Variants in PRUNE2 observed in about 807,000 individuals in gnomAD.
The protein encoded by PRUNE2 is protein prune homolog 2.
In PRUNE2, 164 loss-of-function variants were observed where a neutral mutation model predicts 252.0. The ratio of observed to expected loss-of-function variants is 0.65; its 90% CI spans 0.57 to 0.74. The LOEUF is 0.74. Ranked by LOEUF, PRUNE2 falls within the 30% of genes least tolerant of loss-of-function variation. PRUNE2 has a pLI of 0.00. For synonymous variants in PRUNE2, 1,292 were observed against 1,350.2 expected (o/e 0.96, Z 0.94); for missense variants, 3,495 against 3,711.0 (o/e 0.94, Z 1.51).
intron 6 of PRUNE2, among the ~76,000 whole-genome samples, chr9:76,750,734 G>A (rs1259873160): frequency 6.6e-6 from 1 of 152,178 alleles, no homozygotes; most frequent in Non-Finnish European, 1.5e-5. Flanking sequence ...GCAGAGAGAA[G>A]GTGACATGCT....
intron 6 of PRUNE2, among the ~76,000 whole-genome samples, chr9:76,725,545 T>C (rs2048035822): frequency 6.6e-6 from 1 of 151,964 alleles, no homozygotes; most frequent in African/African-American, 2.4e-5. Flanking sequence ...ATGAAAGTAA[T>C]TAGTTTTTTT....
At chr9:76,647,947 C>T (rs572048598) in intron 11 of PRUNE2, among the ~76,000 whole-genome samples, 2 of 152,132 alleles carry the variant, frequency 1.3e-5, no homozygotes, top group African/African-American at 2.4e-5. Context: ...GGCGACAGCA[C>T]GAGACTGTGT....
intron 3 of PRUNE2, among the ~76,000 whole-genome samples, chr9:76,849,375 C>T (rs1450035531): frequency 6.6e-6 from 1 of 152,098 alleles, no homozygotes; most frequent in East Asian, 1.9e-4. Context: ...CCTTCATAGC[C>T]CATCTCTATG....
At chr9:76,872,600 A>AACACACACACACACACAC (rs71354690) in intron 1 of PRUNE2, among the ~76,000 whole-genome samples, 1 of 139,264 alleles carries the variant, frequency 7.2e-6, no homozygotes, top group African/African-American at 2.7e-5. Flanking sequence ...GATTATGGAA[A>AACACACACACACACACAC]ACACACACAC....
At chr9:76,790,290 T>C (rs915944933) in intron 6 of PRUNE2, among the ~76,000 whole-genome samples, 2 of 152,172 alleles carry the variant, frequency 1.3e-5, no homozygotes, top group African/African-American at 4.8e-5. Flanking sequence ...TGGCCCAGTT[T>C]GTTGCAATAA....
chr9:76,855,064 C>CAAAAAAAAA (rs772890225), intron 1 of PRUNE2, among the ~76,000 whole-genome samples: 12 of 78,172 alleles, frequency 1.5e-4, no homozygotes, highest in African/African-American at 7.5e-4. Context: ...GACTCCATCT[C>CAAAAAAAAA]AAAAAAAAAA....
intron 6 of PRUNE2, among the ~76,000 whole-genome samples, chr9:76,780,616 A>G (rs1400509427): frequency 3.3e-5 from 5 of 152,124 alleles, no homozygotes; most frequent in Non-Finnish European, 7.4e-5. Flanking sequence ...GCGTGAACCC[A>G]GGAGGCAGAG....
chr9:76,746,964 T>C (rs569640017), intron 6 of PRUNE2, among the ~76,000 whole-genome samples: 2 of 152,292 alleles, frequency 1.3e-5, no homozygotes, highest in South Asian at 4.1e-4. Flanking sequence ...AGCAAATTAA[T>C]TGAACCCAAG....
intron 6 of PRUNE2, among the ~76,000 whole-genome samples, chr9:76,749,871 G>C (rs1175689493): frequency 2.6e-5 from 4 of 152,218 alleles, no homozygotes; most frequent in Non-Finnish European, 1.5e-5. Flanking sequence ...AAATGATTTA[G>C]ATTCAAGATC....
chr9:76,846,650 C>T lies in PRUNE2; in HGVS notation c.373G>A (p.Val125Ile), dbSNP rs2059684999. Residue 125 changes from valine (V) to isoleucine (I), a missense_variant, in exon 4 of 19, where the codon GTC (valine) becomes ATC (isoleucine). Val to Ile is a conservative substitution (Grantham distance 29). Coordinates refer to ENST00000376718, the MANE Select transcript of PRUNE2 (RefSeq NM_015225.3). ...TGCTCAACCGGATTAATGACTTTGA[C>T]AACTGCTGATTCTAAAGTTTTGTCT... ...SEDKTLESAV[V>I]KVINPVEQSD... 2 of 1,613,950 alleles carry T rather than the reference C, an allele frequency of 1.2e-6. No homozygotes were observed. The highest frequency in any genetic ancestry group is 3.3e-5 in the Admixed American group (2 of 60,004).
chr9:76,856,524 T>C (rs570093757), intron 1 of PRUNE2: 1 of 152,316 alleles, frequency 6.6e-6, no homozygotes, highest in South Asian at 2.1e-4. Context: ...GAAAAGGTGC[T>C]AAATGAAGAC....
Position 76,707,757 on chromosome 9 carries a change from C to A in PRUNE2, c.4517G>T (p.Cys1506Phe). 2 of 1,613,676 alleles carry A rather than the reference C, an allele frequency of 1.2e-6. No homozygotes were observed. Among genetic ancestry groups the A allele is most frequent in the Non-Finnish European group, 1.7e-6 (2 of 1,179,728 alleles). Residue 1506 changes from cysteine (C) to phenylalanine (F), a missense_variant, in exon 8 of 19, where the codon TGT becomes TTT. Transcript: ENST00000376718. ...GTCAAGATTTTTGGTTATCTCAGAA[C>A]ATGTGCTGCTGACATGCACATCACT... ...IDSDVHVSST[C>F]SEITKNLDVK...
chr9:76,686,583 T>A (rs1426635918), intron 9 of PRUNE2, among the ~76,000 whole-genome samples: 1 of 152,030 alleles, frequency 6.6e-6, no homozygotes, highest in Non-Finnish European at 1.5e-5. Flanking sequence ...AGTCTCCAAG[T>A]AGTTGGGACC....
intron 1 of PRUNE2, among the ~76,000 whole-genome samples, chr9:76,870,636 A>G (rs2061139327): frequency 6.6e-6 from 1 of 151,394 alleles, no homozygotes; most frequent in South Asian, 2.1e-4. Flanking sequence ...CAGTGAGCCA[A>G]TATTGCGCCA....
intron 6 of PRUNE2, among the ~76,000 whole-genome samples, chr9:76,800,638 T>G (rs1394911041): frequency 6.6e-6 from 1 of 152,192 alleles, no homozygotes; most frequent in Non-Finnish European, 1.5e-5. Flanking sequence ...TTTTGGATTT[T>G]TTGATTTTGT....
chr9:76,833,395 A>G (rs552347144), intron 4 of PRUNE2, among the ~76,000 whole-genome samples: 162 of 152,348 alleles, frequency 1.1e-3, no homozygotes, highest in Non-Finnish European at 1.5e-3. Context: ...AGAAAATCCC[A>G]AAGTTAATCA....
intron 1 of PRUNE2, among the ~76,000 whole-genome samples, chr9:76,887,625 G>A (rs1227805188): frequency 1.3e-5 from 2 of 152,166 alleles, no homozygotes; most frequent in African/African-American, 2.4e-5. Flanking sequence ...AGTGGAAGTG[G>A]CTCATTCCAT....
rs371965477 is a variant in PRUNE2 at position 76,705,299 on chromosome 9, G to A, written c.6975C>T (p.Ser2325=). The change falls in exon 8 of 19, where the codon TCC becomes TCT. Residue 2325 remains serine (S), a synonymous_variant. Coordinates refer to ENST00000376718, the MANE Select transcript of PRUNE2 (RefSeq NM_015225.3). ...TIDDMSKLTL[S]EGHPETPVDG... ...CAACTGGCGTTTCCGGATGGCCTTC[G>A]GATAATGTCAGTTTACTCATGTCAT... 3.0e-5 allele frequency: 48 copies of A among 1,613,988 alleles called. No individual in the cohort carries two copies. The East Asian group carries it at 4.7e-4, about 16-fold the overall frequency.
chr9:76,669,389 G>A (rs776339068), intron 9 of PRUNE2, among the ~76,000 whole-genome samples: 12 of 151,854 alleles, frequency 7.9e-5, no homozygotes, highest in Non-Finnish European at 1.5e-4. Context: ...GCGTGATCTC[G>A]GCTCACTGCA....
Sources: gnomAD v4.1 joint callset for allele counts (sites outside exome capture counted in the v4.1 genomes callset) on GRCh38, gnomAD v4.1.1 for gene constraint, MANE v1.5 for transcripts, NCBI Gene and HGNC (gene_info 2026-07-23, HGNC 2026-07-21) for gene names.